The following KSR2 variants were observed in gnomAD, a reference collection of about 807,000 sequenced individuals.
KSR2 encodes the protein kinase suppressor of ras 2.
KSR2 carries 25 observed loss-of-function variants against 107.8 expected under a neutral mutation model. The ratio of observed to expected loss-of-function variants is 0.23; its 90% CI spans 0.17 to 0.32. KSR2 has a LOEUF of 0.32. Among genes scored for constraint, KSR2 ranks in the 10% least tolerant of loss-of-function variants. The probability of loss-of-function intolerance (pLI) is 1.00; values close to 1 mark genes in which losing one functional copy is unlikely to be tolerated. For synonymous variants in KSR2, 480 were observed against 507.0 expected, an observed-to-expected ratio of 0.95 and a Z score of 0.71; for missense variants, 887 against 1,268.9, an observed-to-expected ratio of 0.70 and a Z score of 4.57.
At position 117,781,039 on chromosome 12, in the gene KSR2, G is replaced by C. The variant is rs181364136; in HGVS notation, c.473-19515C>G. On this transcript the variant is annotated intron_variant, in intron 3 of 19. Coordinates refer to ENST00000339824, the MANE Select transcript of KSR2 (RefSeq NM_173598.6). ...TCCCACGTATTGTGGGAGAGACCCA[G>C]TGAGAGGTAATTAAATCATGGGGGC... 8.8e-4 allele frequency among the ~76,000 whole-genome samples: 134 copies of C among 152,336 alleles called. 1 individual carries two copies. The highest frequency in any genetic ancestry group is 3.2e-3 in the African/African-American group (131 of 41,576).
chr12:117,646,496 G>GCTA (rs1276626194), intron 5 of KSR2, among the ~76,000 whole-genome samples: 1 of 152,174 alleles, frequency 6.6e-6, no homozygotes, highest in Non-Finnish European at 1.5e-5. Context: ...CCCAGAAAGA[G>GCTA]CTACTGCAGG....
In KSR2 at chr12:117,832,050, C is replaced by T. The variant is rs538332905; in HGVS notation, c.472+23378G>A. ...CTGTAATCCCAGCATTTTGGGAGGC[C>T]GAGGCGGGCAGATTACCTGAGGTCA... On this transcript the variant is annotated intron_variant, in intron 3 of 19. Coordinates refer to ENST00000339824, the MANE Select transcript of KSR2 (RefSeq NM_173598.6). Among the ~76,000 whole-genome samples the T allele has an allele frequency of 3.9e-5, 6 of 152,162 alleles. No homozygotes were observed. The East Asian group carries it at 9.7e-4, about 25-fold the overall frequency.
chr12:117,806,386 AC>A (rs1369663239), intron 3 of KSR2, among the ~76,000 whole-genome samples: 1 of 152,192 alleles, frequency 6.6e-6, no homozygotes. Flanking sequence ...CAGGTGACTA[AC>A]TGCAACCAGG....
At chr12:117,746,259 G>A (rs1360107330) in intron 4 of KSR2, among the ~76,000 whole-genome samples, 1 of 152,060 alleles carries the variant, frequency 6.6e-6, no homozygotes, top group Non-Finnish European at 1.5e-5. Flanking sequence ...ACGGAACAGA[G>A]ACCTCAGAAA....
In KSR2 at chr12:117,539,769, A is replaced by G. The variant is rs1392740321; in HGVS notation, c.1637T>C (p.Leu546Pro). ...CCGTGTGCACTGTGGGGAAGGGTGTAGGGGAGAAGGCGGCGTGGCACTAGG... is the reference window on the plus strand; with the variant it reads ...CCGTGTGCACTGTGGGGAAGGGTGTGGGGGAGAAGGCGGCGTGGCACTAGG... ...LPPSATPPSPLHPSPQCTRQQ... is the reference protein window; with the variant it reads ...LPPSATPPSPPHPSPQCTRQQ... The change falls in exon 10 of 20, where the codon CTA (leucine) becomes CCA (proline). Residue 546 changes from leucine to proline, a missense_variant. By Grantham distance (98) the Leu-to-Pro change is moderately conservative. Around this residue, in one of 8 missense-constraint regions of KSR2, gnomAD observed 50 missense variants for 43.4 expected, o/e 1.15. Transcript: ENST00000339824. 1.9e-6 allele frequency: 3 copies of G among 1,607,960 alleles called. No homozygotes were observed. The Admixed American group carries it at 5.1e-5, about 27-fold the overall frequency.
At chr12:117,562,459 A>G (rs1878191744) in intron 7 of KSR2, among the ~76,000 whole-genome samples, 2 of 152,130 alleles carry the variant, frequency 1.3e-5, no homozygotes, top group African/African-American at 4.8e-5. Context: ...GCTGGACTCC[A>G]CCCCAGAAAC....
At chr12:117,668,181 T>C (rs936729025) in intron 4 of KSR2, among the ~76,000 whole-genome samples, 2 of 152,250 alleles carry the variant, frequency 1.3e-5, no homozygotes, top group African/African-American at 2.4e-5. Flanking sequence ...TTTCTGTAGA[T>C]GTTAAGCCTG....
intron 3 of KSR2, among the ~76,000 whole-genome samples, chr12:117,800,748 C>T (rs1347864450): frequency 6.6e-6 from 1 of 152,102 alleles, no homozygotes; most frequent in Non-Finnish European, 1.5e-5. Context: ...TCTCCCTCCC[C>T]TTTTCCCCCA....
At chr12:117,652,377 T>C (rs1362021440) in intron 5 of KSR2, among the ~76,000 whole-genome samples, 2 of 147,876 alleles carry the variant, frequency 1.4e-5, no homozygotes, top group Non-Finnish European at 3.0e-5. Context: ...ATTGGCTAAT[T>C]AATCACAGTG....
chr12:117,531,798 A>AT, intron 10 of KSR2, 91 bp from the exon 11 acceptor site: 1 of 868,528 alleles, frequency 1.2e-6, no homozygotes, highest in Non-Finnish European at 1.8e-6. Flanking sequence ...CCACATGGTC[A>AT]TTCTCTGCCC....
intron 4 of KSR2, among the ~76,000 whole-genome samples, chr12:117,711,746 T>C (rs541714879): frequency 1.3e-4 from 20 of 152,364 alleles, no homozygotes; most frequent in South Asian, 4.1e-4. Context: ...CATGGTTCTA[T>C]GTATTCAACA....
chr12:117,635,427 GAGATA>G (rs1431860721), intron 5 of KSR2, among the ~76,000 whole-genome samples: 2 of 152,110 alleles, frequency 1.3e-5, no homozygotes, highest in Non-Finnish European at 2.9e-5. Context: ...TCTAACTAGT[GAGATA>G]AAAGAAAAGG....
At chr12:117,543,549 T>C (rs181657272) in intron 9 of KSR2, among the ~76,000 whole-genome samples, 1 of 152,236 alleles carries the variant, frequency 6.6e-6, no homozygotes, top group East Asian at 1.9e-4. Flanking sequence ...CACATAACTT[T>C]TAGAATAATC....
At chr12:117,576,030 A>G (rs76771960) in intron 7 of KSR2, among the ~76,000 whole-genome samples, 379 of 151,784 alleles carry the variant, frequency 2.5e-3, no homozygotes, top group Non-Finnish European at 4.7e-3. Flanking sequence ...CCCCCACCCT[A>G]TCCCTATCCT....
intron 3 of KSR2, among the ~76,000 whole-genome samples, chr12:117,813,613 C>T (rs748375911): frequency 5.3e-5 from 8 of 152,142 alleles, no homozygotes; most frequent in Non-Finnish European, 8.8e-5. Context: ...GTTAGAATGG[C>T]TACTATCAGA....
chr12:117,852,433 T>G (rs12581772), intron 3 of KSR2, among the ~76,000 whole-genome samples: 1 of 150,652 alleles, frequency 6.6e-6, no homozygotes, highest in African/African-American at 2.5e-5. Context: ...TGTCTCAAAA[T>G]AAATAAATAA....
chr12:117,879,739 T>C (rs1214759615), intron 1 of KSR2, among the ~76,000 whole-genome samples: 2 of 151,588 alleles, frequency 1.3e-5, no homozygotes, highest in African/African-American at 4.8e-5. Context: ...GAAAAAAAAC[T>C]GTATATCAAA....
Position 117,950,749 on chromosome 12 carries a change from A to AAAT in KSR2, c.180+17324_180+17326dup, listed in dbSNP as rs10700691. ...GAGCAAGACTCTGTAAAAAAAAAAA[A>AAAT]AATAATAATAATAATAATAATGATA... is the stretch of plus-strand genomic sequence containing the variant. On this transcript the variant is annotated intron_variant, in intron 1 of 19. Coordinates refer to ENST00000339824, the MANE Select transcript of KSR2 (RefSeq NM_173598.6). Among the ~76,000 whole-genome samples the AAAT allele has an allele frequency of 3.1e-3, 405 of 132,112 alleles. 1 individual carries two copies. The highest frequency in any genetic ancestry group is 0.01 in the African/African-American group (344 of 34,240). 86.7% of individuals were successfully genotyped at this position (132,112 alleles called of 152,430 possible). A position where few individuals can be genotyped will look rare whatever the true frequency, so the allele number is the denominator to read the frequency against.
At chr12:117,647,192 C>T (rs989557057) in intron 5 of KSR2, among the ~76,000 whole-genome samples, 2 of 152,090 alleles carry the variant, frequency 1.3e-5, no homozygotes, top group African/African-American at 4.8e-5. Context: ...TTTTACTCTC[C>T]CTGTTAAGGT....
Sources: allele counts gnomAD v4.1 joint callset (sites outside exome capture counted in the v4.1 genomes callset), GRCh38; gene constraint gnomAD v4.1.1; regional missense constraint gnomAD v4.1.1; transcripts MANE v1.5; gene names NCBI Gene and HGNC (gene_info 2026-07-23, HGNC 2026-07-21).